Variants in HTT observed in about 807,000 individuals in gnomAD.
HTT encodes the protein huntington disease protein.
Under a neutral mutation model 362.3 loss-of-function variants are expected in HTT, and 104 were observed. The observed-to-expected ratio is 0.29, with a 90% CI of 0.24 to 0.34. The LOEUF (loss-of-function observed/expected upper bound fraction) is 0.34, where lower values mean the gene tolerates loss of function less well. Ranked by LOEUF, HTT falls within the 10% of genes least tolerant of loss-of-function variation. The pLI is 1.00. For missense variants in HTT, 3,301 were observed against 3,928.6 expected (o/e 0.84, Z 4.27); for synonymous variants, 1,577 against 1,548.7 (o/e 1.02, Z -0.43).
At chr4:3,225,313 C>T (rs892280661) in intron 56 of HTT, among the ~76,000 whole-genome samples, 3 of 152,166 alleles carry the variant, frequency 2.0e-5, no homozygotes, top group East Asian at 1.9e-4. Context: ...ACTGTCGGCT[C>T]GCCTGCAACT....
chr4:3,090,351 C>G (rs1209582121), intron 2 of HTT, among the ~76,000 whole-genome samples: 2 of 152,170 alleles, frequency 1.3e-5, no homozygotes, highest in Admixed American at 1.3e-4. Flanking sequence ...CCTCACTGTC[C>G]TTTTTCCCAA....
At chr4:3,216,190 C>T (rs983678096) in intron 51 of HTT, among the ~76,000 whole-genome samples, 3 of 152,166 alleles carry the variant, frequency 2.0e-5, no homozygotes, top group Admixed American at 6.5e-5. Flanking sequence ...TTCTGGTTCC[C>T]GGTTCAAGGT....
intron 10 of HTT, 136 bp downstream of exon 10, chr4:3,123,072 T>C (rs1715365680): frequency 1.9e-6 from 1 of 535,240 alleles, no homozygotes; most frequent in Non-Finnish European, 3.1e-6. Flanking sequence ...AGTGATTATA[T>C]GTGTGAATGT....
chr4:3,146,100 G>A (rs756566570), intron 24 of HTT, among the ~76,000 whole-genome samples: 49 of 152,120 alleles, frequency 3.2e-4, no homozygotes, highest in Admixed American at 1.3e-4. Flanking sequence ...CATAATCCTC[G>A]TTTCTGCATC....
At chr4:3,198,421 T>TA (rs1383191021) in intron 40 of HTT, among the ~76,000 whole-genome samples, 1 of 151,996 alleles carries the variant, frequency 6.6e-6, no homozygotes, top group Non-Finnish European at 1.5e-5. Flanking sequence ...GACAGGGTTT[T>TA]ACCATGTTGG....
rs2110279389 is a variant in HTT, at chr4:3,215,153, G to A, written c.6996G>A (p.Arg2332=). The A allele has an allele frequency of 6.2e-7, 1 of 1,614,132 alleles. No individual in the cohort carries two copies. Among genetic ancestry groups the A allele is most frequent in the African/African-American group, 1.3e-5 (1 of 75,038 alleles). The change falls in exon 51 of 67, where the codon AGG becomes AGA. Residue 2332 remains arginine, a synonymous_variant. Coordinates refer to ENST00000355072, the MANE Select transcript of HTT (RefSeq NM_001388492.1). ...PGEQLLSPER[R]TNTPKAISEE... is the part of the protein sequence containing the mutation. ...AGCAGCTTCTTAGTCCAGAAAGAAG[G>A]ACAAATACCCCAAAAGCCATCAGCG... is the stretch of plus-strand genomic sequence containing the variant.
At chr4:3,194,086 TG>T (rs1351972934) in intron 40 of HTT, among the ~76,000 whole-genome samples, 7 of 152,240 alleles carry the variant, frequency 4.6e-5, no homozygotes, top group African/African-American at 1.7e-4. Flanking sequence ...AAGTAAGGTG[TG>T]TTTAGCATGT....
At chr4:3,092,639 C>A (rs1052678785) in intron 2 of HTT, among the ~76,000 whole-genome samples, 1 of 152,144 alleles carries the variant, frequency 6.6e-6, no homozygotes, top group Non-Finnish European at 1.5e-5. Context: ...ACCTTGGCCT[C>A]CCAAAGCGCT....
chr4:3,155,853 A>C (rs2110213325), intron 27 of HTT, among the ~76,000 whole-genome samples: 1 of 149,960 alleles, frequency 6.7e-6, no homozygotes, highest in African/African-American at 2.5e-5. Context: ...AGCTGAGTTC[A>C]TGCCACTGCA....
At chr4:3,194,890 A>C (rs1719175181) in intron 40 of HTT, among the ~76,000 whole-genome samples, 1 of 152,172 alleles carries the variant, frequency 6.6e-6, no homozygotes, top group Admixed American at 6.5e-5. Context: ...AACAATTATA[A>C]TGCTGGGAGC....
chr4:3,223,815 A>G (rs754776040), intron 55 of HTT, among the ~76,000 whole-genome samples, 177 bp from the exon 56 acceptor site: 7 of 152,260 alleles, frequency 4.6e-5, no homozygotes, highest in Non-Finnish European at 7.3e-5. Context: ...AGGAATGAGC[A>G]GGCAACTAGT....
intron 21 of HTT, among the ~76,000 whole-genome samples, chr4:3,140,014 G>T (rs181509146): frequency 4.8e-4 from 73 of 152,274 alleles, no homozygotes; most frequent in Middle Eastern, 3.4e-3. Flanking sequence ...CAGCACTATG[G>T]GGGGCTGAGG....
intron 60 of HTT, among the ~76,000 whole-genome samples, chr4:3,231,056 A>G (rs945090982): frequency 1.3e-5 from 2 of 152,258 alleles, no homozygotes; most frequent in African/African-American, 2.4e-5. Context: ...ACGTGAAATC[A>G]TTGCCCGTGG....
At chr4:3,196,330 A>C (rs1165329133) in intron 40 of HTT, among the ~76,000 whole-genome samples, 1 of 152,082 alleles carries the variant, frequency 6.6e-6, no homozygotes, top group Non-Finnish European at 1.5e-5. Flanking sequence ...TCCTGTCCCC[A>C]AGTTCATCCT....
Position 3,131,703 on chromosome 4 carries a change from G to A in HTT, c.2164G>A (p.Ala722Thr), listed in dbSNP as rs780916812. The A allele has an allele frequency of 6.2e-7, 1 of 1,614,078 alleles. No homozygotes were observed. The highest frequency in any genetic ancestry group is 8.5e-7 in the Non-Finnish European group (1 of 1,179,966). The part of the protein sequence containing the change: ...KALALSCVGA[A>T]VALHPESFFS... ...CCTGGCCCTCAGCTGTGTGGGAGCA[G>A]CTGTGGCCCTCCACCCGGAATCTTT... The change falls in exon 16 of 67, where the codon GCT becomes ACT. Residue 722 changes from alanine (A) to threonine (T), a missense_variant. Physicochemically the swap from Ala to Thr is moderately conservative, Grantham distance 58. Coordinates refer to ENST00000355072, the MANE Select transcript of HTT (RefSeq NM_001388492.1).
At chr4:3,159,444 A>G (rs1381481534) in intron 28 of HTT, among the ~76,000 whole-genome samples, 1 of 152,172 alleles carries the variant, frequency 6.6e-6, no homozygotes, top group African/African-American at 2.4e-5. Context: ...TTCATCTCAC[A>G]TGACATCACC....
intron 21 of HTT, among the ~76,000 whole-genome samples, chr4:3,136,574 A>C (rs1003308242): frequency 6.6e-6 from 1 of 151,100 alleles, no homozygotes; most frequent in Non-Finnish European, 1.5e-5. Flanking sequence ...AAAATTTTGG[A>C]CTATAGAGAA....
At chr4:3,105,097 G>A (rs914401859) in intron 4 of HTT, among the ~76,000 whole-genome samples, 9 of 152,124 alleles carry the variant, frequency 5.9e-5, no homozygotes, top group African/African-American at 2.2e-4. Context: ...AGGAAATGCT[G>A]TTTGGTAGAC....
chr4:3,233,722 G>GCACC (rs1721374163), intron 61 of HTT, among the ~76,000 whole-genome samples: 1 of 152,176 alleles, frequency 6.6e-6, no homozygotes, highest in African/African-American at 2.4e-5. Context: ...CCCTGGCCCA[G>GCACC]TACCTCCCTC....
Sources: allele counts gnomAD v4.1 joint callset (sites outside exome capture counted in the v4.1 genomes callset), GRCh38; gene constraint gnomAD v4.1.1; transcripts MANE v1.5; gene names NCBI Gene and HGNC (gene_info 2026-07-23, HGNC 2026-07-21).